The following DMD variants were observed in gnomAD, a reference collection of about 807,000 sequenced individuals.
The protein encoded by DMD is mutant dystrophin.
A neutral mutation model predicts 330.1 loss-of-function variants in DMD; 63 were observed. The ratio of observed to expected loss-of-function variants is 0.19; its 90% CI spans 0.16 to 0.24. The LOEUF (loss-of-function observed/expected upper bound fraction) is 0.24, where lower values mean the gene tolerates loss of function less well. DMD is among the 10% of genes least tolerant of loss of function. The probability of loss-of-function intolerance (pLI) is 1.00; values close to 1 mark genes in which losing one functional copy is unlikely to be tolerated. For synonymous variants in DMD, 1,223 were observed against 959.8 expected, an observed-to-expected ratio of 1.27 and a Z score of -5.07; for missense variants, 3,344 against 2,684.1, an observed-to-expected ratio of 1.25 and a Z score of -5.43.
chrX:33,003,235 G>C (rs760185441), intron 2 of DMD, among the ~76,000 whole-genome samples: 172 of 111,201 alleles, frequency 1.5e-3, no homozygotes, highest in African/African-American at 5.2e-3. Flanking sequence ...TTATGAGTGA[G>C]AACATACGGT....
At chrX:31,749,649 G>T (rs2088287889) in intron 51 of DMD, among the ~76,000 whole-genome samples, 1 of 108,374 alleles carries the variant, frequency 9.2e-6, no homozygotes, top group Non-Finnish European at 1.9e-5. Context: ...AGTCCTTTGG[G>T]TATATACCCA....
intron 2 of DMD, among the ~76,000 whole-genome samples, chrX:32,983,163 G>C (rs759320828): frequency 9.0e-6 from 1 of 110,902 alleles, no homozygotes; most frequent in East Asian, 2.8e-4. Flanking sequence ...TATATTTACT[G>C]AAGTAACCCT....
chrX:32,899,465 A>G (rs1275243894), intron 2 of DMD, among the ~76,000 whole-genome samples: 2 of 109,897 alleles, frequency 1.8e-5, no homozygotes, highest in East Asian at 5.7e-4. Context: ...CACGAGATCA[A>G]GAGATCGAGA....
chrX:32,272,816 G>A (rs1040725167), intron 43 of DMD, among the ~76,000 whole-genome samples: 2 of 111,921 alleles, frequency 1.8e-5, no homozygotes, highest in African/African-American at 3.2e-5. Flanking sequence ...TCCAGAAAAA[G>A]TAATGTCTTG....
At chrX:32,834,360 C>G (rs1242841347) in intron 4 of DMD, among the ~76,000 whole-genome samples, 1 of 111,537 alleles carries the variant, frequency 9.0e-6, no homozygotes, top group Non-Finnish European at 1.9e-5. Flanking sequence ...CAAATATATT[C>G]TGACATGCTC....
intron 51 of DMD, among the ~76,000 whole-genome samples, chrX:31,743,244 T>C (rs2087516617): frequency 1.8e-5 from 2 of 112,788 alleles, no homozygotes; most frequent in African/African-American, 6.4e-5. Context: ...GATACACTGT[T>C]GCTGGGAATG....
intron 52 of DMD, among the ~76,000 whole-genome samples, chrX:31,708,420 GA>G (rs2084359003): frequency 9.0e-6 from 1 of 111,389 alleles, no homozygotes; most frequent in African/African-American, 3.3e-5. Context: ...GATATAAAAG[GA>G]AAAAAATCAA....
chrX:31,867,952 G>C (rs1173706778), intron 48 of DMD, among the ~76,000 whole-genome samples: 1 of 111,366 alleles, frequency 9.0e-6, no homozygotes, highest in Non-Finnish European at 1.9e-5. Context: ...TTTGGTTTAT[G>C]CTGATGCTTC....
intron 17 of DMD, among the ~76,000 whole-genome samples, chrX:32,523,705 T>C (rs1234545056): frequency 8.9e-6 from 1 of 111,765 alleles, no homozygotes; most frequent in Admixed American, 9.5e-5. Context: ...CCTAAAACTT[T>C]TATTAGATAA....
At chrX:32,475,247 G>A (rs1010740702) in intron 21 of DMD, among the ~76,000 whole-genome samples, 1 of 111,523 alleles carries the variant, frequency 9.0e-6, no homozygotes, top group African/African-American at 3.3e-5. Context: ...ATGCTGTTTT[G>A]GTGACTATGG....
At chrX:31,445,515 TG>T (rs2065210161) in intron 59 of DMD, among the ~76,000 whole-genome samples, 1 of 111,987 alleles carries the variant, frequency 8.9e-6, no homozygotes, top group Non-Finnish European at 1.9e-5. Context: ...CAACCAGAAA[TG>T]GATCCTTATT....
chrX:31,775,229 T>C (rs1329977957), intron 50 of DMD, among the ~76,000 whole-genome samples: 1 of 111,563 alleles, frequency 9.0e-6, no homozygotes, highest in African/African-American at 3.3e-5. Context: ...AGCATAATCA[T>C]CATCATCACA....
At chrX:32,684,588 A>G (rs1366073259) in intron 9 of DMD, among the ~76,000 whole-genome samples, 1 of 111,662 alleles carries the variant, frequency 9.0e-6, no homozygotes, top group African/African-American at 3.2e-5. Context: ...GCCCTCTTAC[A>G]ACTTTTGATG....
intron 5 of DMD, among the ~76,000 whole-genome samples, chrX:32,819,026 T>C (rs984934848): frequency 1.1e-4 from 11 of 103,909 alleles, no homozygotes; most frequent in Non-Finnish European, 1.8e-4. Context: ...TTTTTTTTTT[T>C]CCAGGGCATG....
intron 52 of DMD, among the ~76,000 whole-genome samples, chrX:31,702,535 T>G (rs978343926): frequency 3.6e-5 from 4 of 111,963 alleles, no homozygotes; most frequent in Non-Finnish European, 7.5e-5. Context: ...TCACTTCTCC[T>G]TAATAGCTCT....
In DMD at chrX:33,206,329, C is replaced by T. The variant is rs187654146; in HGVS notation, c.31+4953G>A. Among the ~76,000 whole-genome samples, 6 of 111,419 alleles carry T rather than the reference C, an allele frequency of 5.4e-5. No homozygotes were observed. In the East Asian group the frequency reaches 1.4e-3, roughly 26 times the overall value. On this transcript the variant is annotated intron_variant, in intron 1 of 78. Coordinates refer to ENST00000357033, the MANE Select transcript of DMD (RefSeq NM_004006.3). ...TAATCAAAATACTGAGTTAAAAATT[C>T]TGAAAGAGTCATTTAAGAACAACAA...
chrX:32,693,957 C>T (rs775558652), intron 9 of DMD, among the ~76,000 whole-genome samples: 1 of 111,958 alleles, frequency 8.9e-6, no homozygotes, highest in Admixed American at 9.4e-5. Context: ...AGTAATTCCA[C>T]TGTAGTAACT....
intron 70 of DMD, 97 bp from the exon 71 acceptor site, chrX:31,178,067 A>T: frequency 9.2e-7 from 1 of 1,092,062 alleles, no homozygotes; most frequent in South Asian, 1.9e-5. Flanking sequence ...CCAGCCAATT[A>T]AGTATGAACC....
intron 61 of DMD, among the ~76,000 whole-genome samples, chrX:31,338,797 G>A (rs1297227363): frequency 1.8e-5 from 2 of 110,492 alleles, no homozygotes; most frequent in Non-Finnish European, 3.8e-5. Context: ...AGACAAACCA[G>A]GATGAGTGGT....
Sources: gnomAD v4.1 joint callset for allele counts (sites outside exome capture counted in the v4.1 genomes callset) on GRCh38, gnomAD v4.1.1 for gene constraint, MANE v1.5 for transcripts, NCBI Gene and HGNC (gene_info 2026-07-23, HGNC 2026-07-21) for gene names.